Variants in UBA6 observed in about 807,000 individuals in gnomAD.
UBA6 encodes ubiquitin like modifier activating enzyme 6.
UBA6 carries 87 observed loss-of-function variants against 148.3 expected under a neutral mutation model. The ratio of observed to expected loss-of-function variants is 0.59; its 90% confidence interval spans 0.49 to 0.70. The LOEUF is 0.70. UBA6 is among the 30% of genes least tolerant of loss of function. The pLI, the probability that UBA6 is intolerant of heterozygous loss-of-function variation, is 0.00. For missense variants in UBA6, 1,186 were observed against 1,241.2 expected, an observed-to-expected ratio of 0.96 and a Z score of 0.67; for synonymous variants, 376 against 401.0, an observed-to-expected ratio of 0.94 and a Z score of 0.75.
At chr4:67,661,666 C>T (rs186108685) in intron 13 of UBA6, 1 of 153,736 alleles carries the variant, frequency 6.5e-6, no homozygotes, top group Admixed American at 6.5e-5. Context: ...CAAATAATTG[C>T]ACAAACATCA....
chr4:67,639,583 G>A (rs1192657303), intron 18 of UBA6, among the ~76,000 whole-genome samples: 2 of 151,952 alleles, frequency 1.3e-5, no homozygotes, highest in African/African-American at 4.8e-5. Context: ...ATTATTTCTG[G>A]ATGGAAATAT....
chr4:67,701,073 G>A lies in UBA6; in HGVS notation c.47C>T (p.Ser16Phe). The A allele has an allele frequency of 8.1e-6, 13 of 1,613,802 alleles. No homozygotes were observed. Among genetic ancestry groups the A allele is most frequent in the Non-Finnish European group, 1.0e-5 (12 of 1,179,778 alleles). The stretch of plus-strand genomic sequence containing the variant: ...CCTGCCAGTCCCCCAGGAAGAACAG[G>A]ACGCCTCTTCCCCCTGATGGGCGGC... ...PVAAHQGEEA[S>F]CSSWGTGSTN... The change falls in exon 1 of 33, where the codon TCC (serine) becomes TTC (phenylalanine). Residue 16 changes from serine to phenylalanine, a missense_variant. Physicochemically the swap from Ser to Phe is radical, Grantham distance 155. Transcript: ENST00000322244.
chr4:67,675,585 G>T (rs1274940512), intron 6 of UBA6, among the ~76,000 whole-genome samples: 1 of 152,004 alleles, frequency 6.6e-6, no homozygotes, highest in Non-Finnish European at 1.5e-5. Context: ...ATAAAAATTA[G>T]CAGGGCGTGG....
chr4:67,645,405 C>T (rs930309716), intron 16 of UBA6, among the ~76,000 whole-genome samples: 1 of 152,032 alleles, frequency 6.6e-6, no homozygotes, highest in East Asian at 1.9e-4. Context: ...TCGAGACCAG[C>T]CTAGCCAATA....
At chr4:67,628,802 C>A (rs1222562970) in intron 27 of UBA6, among the ~76,000 whole-genome samples, 2 of 151,684 alleles carry the variant, frequency 1.3e-5, no homozygotes, top group Non-Finnish European at 2.9e-5. Flanking sequence ...TTTTTAATAC[C>A]CACAATGATA....
rs1251692237 is a variant in UBA6 at position 67,625,082 on chromosome 4, A to G, written c.2624T>C (p.Ile875Thr). 2 of 1,613,564 alleles carry G rather than the reference A, an allele frequency of 1.2e-6. No individual in the cohort carries two copies. Among genetic ancestry groups the G allele is most frequent in the Non-Finnish European group, 1.7e-6 (2 of 1,179,566 alleles). ...ASNLRAKMYS[I>T]EPADRFKTKR... ...TGTTTTGAAACGGTCAGCTGGTTCA[A>G]TGCTGTACATTTTGGCACGAAGATT... is the stretch of plus-strand genomic sequence containing the variant. Residue 875 changes from isoleucine (I) to threonine (T), a missense_variant, in exon 29 of 33, where the codon ATT (isoleucine) becomes ACT (threonine). By Grantham distance (89) the Ile-to-Thr change is moderately conservative (BLOSUM62 -1). Transcript: ENST00000322244.
chr4:67,678,165 ATAAT>A (rs1730335153), intron 5 of UBA6, among the ~76,000 whole-genome samples: 3 of 130,344 alleles, frequency 2.3e-5, no homozygotes, highest in Non-Finnish European at 5.1e-5. Context: ...ACAAATACAA[ATAAT>A]TAAGTATATA....
chr4:67,675,309 C>A (rs996950306), intron 6 of UBA6, among the ~76,000 whole-genome samples: 3 of 152,196 alleles, frequency 2.0e-5, no homozygotes, highest in African/African-American at 7.2e-5. Context: ...TTCTTTATCA[C>A]ATCTGCCTGG....
At chr4:67,620,323 T>C (rs558843796) in intron 32 of UBA6, among the ~76,000 whole-genome samples, 3 of 152,362 alleles carry the variant, frequency 2.0e-5, no homozygotes, top group Admixed American at 1.3e-4. Flanking sequence ...CAAAGACTGT[T>C]GCTTTTGCCT....
At chr4:67,662,817 C>T (rs1027741134) in intron 12 of UBA6, 10 of 205,084 alleles carry the variant, frequency 4.9e-5, no homozygotes, top group Non-Finnish European at 9.8e-5. Context: ...AGTACTCTGA[C>T]TTAACAGGAT....
At chr4:67,694,648 C>A (rs1228061278) in intron 2 of UBA6, among the ~76,000 whole-genome samples, 1 of 152,122 alleles carries the variant, frequency 6.6e-6, no homozygotes, top group African/African-American at 2.4e-5. Flanking sequence ...CCACCCGCCT[C>A]GGCCTCCCAA....
At chr4:67,690,357 G>A (rs1213989444) in intron 2 of UBA6, among the ~76,000 whole-genome samples, 1 of 151,992 alleles carries the variant, frequency 6.6e-6, no homozygotes, top group Non-Finnish European at 1.5e-5. Context: ...ACTCCCAGAA[G>A]AAAACAGGAA....
In UBA6 at chr4:67,681,598, A is replaced by G; in HGVS notation, c.230-7T>C. 1 of 1,579,426 alleles carries G rather than the reference A, an allele frequency of 6.3e-7. No individual in the cohort carries two copies. Among genetic ancestry groups the G allele is most frequent in the Admixed American group, 1.9e-5 (1 of 51,314 alleles). ...GCAAGAACAAGATTCTTTGCTAGAA[A>G]GGCAAAAGAAAAAGGAATAGCTCAA... On this transcript the variant is annotated splice_polypyrimidine_tract_variant and splice_region_variant and intron_variant, in intron 3 of 32. Coordinates refer to ENST00000322244, the MANE Select transcript of UBA6 (RefSeq NM_018227.6).
At chr4:67,657,076 G>T (rs186005495) in intron 13 of UBA6, among the ~76,000 whole-genome samples, 1 of 152,112 alleles carries the variant, frequency 6.6e-6, no homozygotes, top group African/African-American at 2.4e-5. Context: ...TGGATAGGAA[G>T]AATCAATATC....
At chr4:67,649,296 G>A (rs1029895732) in intron 13 of UBA6, 85 bp from the exon 14 acceptor site, 207 of 1,291,670 alleles carry the variant, frequency 1.6e-4, no homozygotes, top group Non-Finnish European at 2.0e-4. Context: ...GTGAGAATTA[G>A]AACTTAACTT....
chr4:67,696,785 AG>A, intron 1 of UBA6, 78 bp from the exon 2 acceptor site: 1 of 1,161,992 alleles, frequency 8.6e-7, no homozygotes, highest in Non-Finnish European at 1.3e-6. Context: ...CAGATTCACC[AG>A]TTACTAAAGG....
chr4:67,681,787 C>A (rs1177756308), intron 3 of UBA6, among the ~76,000 whole-genome samples, 196 bp from the exon 4 acceptor site: 1 of 151,962 alleles, frequency 6.6e-6, no homozygotes, highest in African/African-American at 2.4e-5. Context: ...ATCACAACAC[C>A]CAGAGATAAT....
chr4:67,670,473 C>T lies in UBA6; in HGVS notation c.666G>A (p.Thr222=), dbSNP rs569577213. The change falls in exon 8 of 33, where the codon ACG becomes ACA. Residue 222 remains threonine, a synonymous_variant. Coordinates refer to ENST00000322244, the MANE Select transcript of UBA6 (RefSeq NM_018227.6). ...EPKEIFISNI[T]QANPGIVTCL... ...AAGTTCATTAATATAATCATACTTG[C>T]GTTATGTTTGAAATGAAAATTTCTT... 10 of 1,565,838 alleles carry T rather than the reference C, an allele frequency of 6.4e-6. No homozygotes were observed. Among genetic ancestry groups the T allele is most frequent in the African/African-American group, 2.7e-5 (2 of 73,550 alleles).
At chr4:67,633,307 A>C (rs1729043594) in intron 23 of UBA6, 38 bp downstream of exon 23, 2 of 1,528,852 alleles carry the variant, frequency 1.3e-6, no homozygotes, top group African/African-American at 2.8e-5. Flanking sequence ...ATAAGCCAAG[A>C]TCAGACCTTT....
Sources: allele counts gnomAD v4.1 joint callset (sites outside exome capture counted in the v4.1 genomes callset), GRCh38; gene constraint gnomAD v4.1.1; transcripts MANE v1.5; gene names NCBI Gene and HGNC (gene_info 2026-07-23, HGNC 2026-07-21).